Variants in CHAF1A observed in about 807,000 individuals in gnomAD.
CHAF1A encodes chromatin assembly factor 1 subunit A, also known as CAF-1 subunit A.
A neutral mutation model predicts 93.2 loss-of-function variants in CHAF1A; 5 were observed. The observed-to-expected ratio is 0.05, with a 90% CI of 0.03 to 0.11. The LOEUF is 0.11. Among genes scored for constraint, CHAF1A ranks in the 10% least tolerant of loss-of-function variants. The probability of loss-of-function intolerance (pLI) is 1.00; values close to 1 mark genes in which losing one functional copy is unlikely to be tolerated. For missense variants in CHAF1A, 1,102 were observed against 1,259.9 expected, an observed-to-expected ratio of 0.87 and a Z score of 1.90; for synonymous variants, 504 against 510.3, an observed-to-expected ratio of 0.99 and a Z score of 0.17.
At chr19:4,426,895 A>G (rs1974092489) in intron 7 of CHAF1A, among the ~76,000 whole-genome samples, 1 of 151,994 alleles carries the variant, frequency 6.6e-6, no homozygotes, top group South Asian at 2.1e-4. Flanking sequence ...GCTTGAGACC[A>G]GCCTGGCCAA....
chr19:4,438,632 C>T (rs186298266), intron 13 of CHAF1A, among the ~76,000 whole-genome samples: 12 of 152,264 alleles, frequency 7.9e-5, no homozygotes, highest in Non-Finnish European at 1.6e-4. Flanking sequence ...TTTTAAAATA[C>T]AAGGAAGGAT....
At chr19:4,450,421 C>T in the CHAF1A span, 1 of 152,074 alleles carries the variant, frequency 6.6e-6, no homozygotes, top group East Asian at 1.9e-4. Context: ...TAGAGGGAAA[C>T]ATGTGCAACT....
At chr19:4,447,409 G>GC, downstream of CHAF1A, 1 of 860,564 alleles carries the variant, frequency 1.2e-6, no homozygotes, top group East Asian at 2.5e-5. Flanking sequence ...CCTTCTACTG[G>GC]CCGAACCCTT....
rs1974230862 is a variant in CHAF1A at position 4,433,600 on chromosome 19, GT to G, written c.2673+63del. On this transcript the variant is annotated intron_variant, in intron 13 of 14. Transcript: ENST00000301280. The surrounding 1 kb of genome is among the most constrained non-coding windows in gnomAD (Gnocchi z 5.6). ...GCTTTTCTTTTTTTGTTTGTTTTTT[GT>G]TGTTTTGTTTTTTTTTCGAGATGGA... The G allele has an allele frequency of 7.3e-7, 1 of 1,375,838 alleles. No homozygotes were observed. Among genetic ancestry groups the G allele is most frequent in the African/African-American group, 1.5e-5 (1 of 68,506 alleles). The allele number at this position is 1,375,838 out of a possible 1,614,324, so 85.2% of individuals were successfully genotyped here.
At chr19:4,439,294 A>G (rs1184315691) in intron 13 of CHAF1A, among the ~76,000 whole-genome samples, 2 of 152,002 alleles carry the variant, frequency 1.3e-5, no homozygotes, top group East Asian at 3.9e-4. Flanking sequence ...AAAAAAAAAA[A>G]AAGACAAAAA....
At position 4,429,480 on chromosome 19, in the gene CHAF1A, C is replaced by T. The variant is rs200215157; in HGVS notation, c.1647C>T (p.Pro549=). 29 of 1,613,912 alleles carry T rather than the reference C, an allele frequency of 1.8e-5. No homozygotes were observed. Among genetic ancestry groups the T allele is most frequent in the African/African-American group, 4.0e-5 (3 of 74,916 alleles). ...IVERGKGDGV[P]ERRKFGRMKL... is the part of the protein sequence containing the mutation. ...AGCGTGGGAAGGGCGACGGTGTTCC[C>T]GAGAGGAGGAAGTTTGGCAGGATGA... Residue 549 remains proline, a synonymous_variant, in exon 9 of 15, where the codon CCC becomes CCT. Coordinates refer to ENST00000301280, the MANE Select transcript of CHAF1A (RefSeq NM_005483.3).
rs1022490964 is a variant in CHAF1A, at chr19:4,409,251, G to C, written c.452G>C (p.Arg151Pro). The C allele has an allele frequency of 6.2e-7, 1 of 1,614,020 alleles. No homozygotes were observed. The change falls in exon 3 of 15, where the codon CGA (arginine) becomes CCA (proline). Residue 151 changes from arginine to proline, a missense_variant. Physicochemically the swap from Arg to Pro is moderately radical, Grantham distance 103. This residue lies in a region of CHAF1A where 379 missense variants were observed against 365.7 expected (regional missense o/e 1.04). Transcript: ENST00000301280. ...SPSREAINGQREDTGDQQGLL... is the reference protein window; with the variant it reads ...SPSREAINGQPEDTGDQQGLL... The stretch of plus-strand genomic sequence containing the variant: ...TCCAGGGAGGCAATAAATGGCCAGC[G>C]AGAAGACACTGGGGATCAGCAGGGG...
chr19:4,444,686 G>A (rs4807589), downstream of CHAF1A: 3,383 of 152,504 alleles, frequency 0.022, 256 homozygotes, highest in East Asian at 0.14. Context: ...GTGAAGTTGC[G>A]CATCTGCAGG....
At chr19:4,445,555 G>T (rs61729794), downstream of CHAF1A, 10 of 1,613,700 alleles carry the variant, frequency 6.2e-6, no homozygotes, top group African/African-American at 1.3e-4. Context: ...AGTCCGGCTC[G>T]GCCCCCGCGG....
chr19:4,423,908 A>G, intron 7 of CHAF1A, 34 bp downstream of exon 7: 1 of 1,592,338 alleles, frequency 6.3e-7, no homozygotes, highest in South Asian at 1.1e-5. Context: ...TTTGGGTTTC[A>G]GCTCTGCTAG....
downstream of CHAF1A, chr19:4,446,253 C>G: frequency 6.4e-7 from 1 of 1,568,504 alleles, no homozygotes; most frequent in Non-Finnish European, 8.6e-7. Flanking sequence ...CCAACCCGAG[C>G]CGCCCTCCAC....
chr19:4,436,392 C>T (rs1974283814), intron 13 of CHAF1A, among the ~76,000 whole-genome samples: 1 of 152,200 alleles, frequency 6.6e-6, no homozygotes, highest in African/African-American at 2.4e-5. Context: ...GCATAGTTCC[C>T]CTGGCTCTGT....
chr19:4,427,317 T>TTTTTG (rs571625536), intron 7 of CHAF1A, among the ~76,000 whole-genome samples: 28 of 136,222 alleles, frequency 2.1e-4, no homozygotes, highest in East Asian at 6.8e-4. Context: ...GCCAAGCTAA[T>TTTTTG]TTTTGTTTTG....
chr19:4,446,389 G>C, downstream of CHAF1A: 3 of 1,577,312 alleles, frequency 1.9e-6, no homozygotes, highest in South Asian at 1.1e-5. Context: ...TCCGCAGCAC[G>C]CTCAGCCGCT....
At position 4,405,974 on chromosome 19, in the gene CHAF1A, G is replaced by A. The variant is rs779553591; in HGVS notation, c.103+12G>A. 1 of 1,606,910 alleles carries A rather than the reference G, an allele frequency of 6.2e-7. No individual in the cohort carries two copies. The highest frequency in any genetic ancestry group is 1.3e-5 in the African/African-American group (1 of 74,898). ...GAAGTTAATACAAGGTAATTATTTG[G>A]AAATGGGTTAAAGAGTTGTTCGTAG... On this transcript the variant is annotated intron_variant, in intron 2 of 14. Transcript: ENST00000301280.
chr19:4,405,662 G>A (rs1275867626), intron 1 of CHAF1A, among the ~76,000 whole-genome samples: 2 of 150,450 alleles, frequency 1.3e-5, no homozygotes, highest in African/African-American at 2.5e-5. Flanking sequence ...TCATTGTGGT[G>A]TGCTGTGCAT....
At position 4,408,894 on chromosome 19, in the gene CHAF1A, T is replaced by G. The variant is rs1162771508; in HGVS notation, c.104-9T>G. 6.3e-7 allele frequency: 1 copy of G among 1,588,056 alleles called. No homozygotes were observed. Among genetic ancestry groups the G allele is most frequent in the African/African-American group, 1.4e-5 (1 of 73,198 alleles). On this transcript the variant is annotated splice_polypyrimidine_tract_variant and intron_variant, in intron 2 of 14. Transcript: ENST00000301280. Reference sequence around the variant, plus strand: ...GTTCACTAGAGATGGCTTTCTGTCTTTGTTTCAGCCCGTCTGCCGTTTAAG... The same window carrying G: ...GTTCACTAGAGATGGCTTTCTGTCTGTGTTTCAGCCCGTCTGCCGTTTAAG...
intron 3 of CHAF1A, among the ~76,000 whole-genome samples, chr19:4,410,049 G>A (rs750998884): frequency 2.4e-4 from 37 of 152,216 alleles, no homozygotes; most frequent in Non-Finnish European, 4.6e-4. Context: ...TAGCTTAGCC[G>A]TTTTAGGGAA....
downstream of CHAF1A, chr19:4,448,611 G>C: frequency 1.7e-6 from 1 of 598,312 alleles, no homozygotes. Flanking sequence ...CAGAGGCGAC[G>C]CAGCCAAGAC....
Sources: gnomAD v4.1 joint callset for allele counts (sites outside exome capture counted in the v4.1 genomes callset) on GRCh38, gnomAD v4.1.1 for gene constraint, gnomAD v4.1.1 regional missense constraint, Gnocchi (gnomAD v3.1) non-coding constraint, MANE v1.5 for transcripts, NCBI Gene and HGNC (gene_info 2026-07-23, HGNC 2026-07-21) for gene names.